The following FRMD6 variants were observed in gnomAD, a reference collection of about 807,000 sequenced individuals.
FRMD6 encodes the protein FERM domain containing 6, also known as FERM domain-containing protein 6.
A neutral mutation model predicts 73.2 loss-of-function variants in FRMD6; 37 were observed. The ratio of observed to expected loss-of-function variants is 0.51; its 90% CI spans 0.39 to 0.66. The LOEUF is 0.66. Ranked by LOEUF, FRMD6 falls within the 30% of genes least tolerant of loss-of-function variation. The probability of loss-of-function intolerance (pLI) is 0.00; values close to 1 mark genes in which losing one functional copy is unlikely to be tolerated. For synonymous variants in FRMD6, 273 were observed against 282.2 expected (o/e 0.97, Z 0.33); for missense variants, 714 against 780.5 (o/e 0.91, Z 1.02).
chr14:51,633,137 A>ATT (rs145482860), intron 2 of FRMD6, among the ~76,000 whole-genome samples: 1 of 151,886 alleles, frequency 6.6e-6, no homozygotes, highest in Non-Finnish European at 1.5e-5. Context: ...ATATGTGAGG[A>ATT]TTTTTTTTAA....
chr14:51,478,524 A>G, the FRMD6 span, among the ~76,000 whole-genome samples: 2 of 152,218 alleles, frequency 1.3e-5, no homozygotes, highest in African/African-American at 2.4e-5. Flanking sequence ...TTGAAATAAA[A>G]TGTTTCTCTA....
chr14:51,412,380 T>G, the FRMD6 span, among the ~76,000 whole-genome samples: 575 of 152,314 alleles, frequency 3.8e-3, 4 homozygotes, highest in African/African-American at 0.013. Context: ...ACAAAGTTAA[T>G]GATGCGCCCA....
At chr14:51,658,578 T>G (rs988978353) in intron 1 of FRMD6, among the ~76,000 whole-genome samples, 1 of 152,200 alleles carries the variant, frequency 6.6e-6, no homozygotes, top group Non-Finnish European at 1.5e-5. Flanking sequence ...TTTTTGTGTC[T>G]TCCTTCCACC....
intron 1 of FRMD6, among the ~76,000 whole-genome samples, chr14:51,539,975 C>T (rs1040807743): frequency 4.6e-5 from 7 of 152,234 alleles, no homozygotes; most frequent in African/African-American, 1.7e-4. Flanking sequence ...TCTTGGAACA[C>T]TCCAACAAAA....
the FRMD6 span, among the ~76,000 whole-genome samples, chr14:51,473,977 G>A: frequency 7.6e-3 from 1,151 of 152,200 alleles, 10 homozygotes; most frequent in Middle Eastern, 0.017. Context: ...TATTGAGCAC[G>A]TATCACATTA....
chr14:51,564,596 T>A (rs898912455), intron 1 of FRMD6, among the ~76,000 whole-genome samples: 26 of 152,056 alleles, frequency 1.7e-4, no homozygotes, highest in Non-Finnish European at 3.2e-4. Flanking sequence ...CTCAGAATAA[T>A]AGGTGGTTTA....
intron 1 of FRMD6, among the ~76,000 whole-genome samples, chr14:51,553,129 C>T (rs1046766541): frequency 2.0e-5 from 3 of 152,214 alleles, no homozygotes; most frequent in African/African-American, 7.2e-5. Flanking sequence ...ATTATTAAAA[C>T]CCTCACATTT....
At chr14:51,468,331 G>A in the FRMD6 span, among the ~76,000 whole-genome samples, 1 of 147,852 alleles carries the variant, frequency 6.8e-6, no homozygotes, top group Admixed American at 6.7e-5. Context: ...GAGGGGGAGG[G>A]GGAGGGAGCA....
chr14:51,410,704 T>G, the FRMD6 span, among the ~76,000 whole-genome samples: 1 of 152,202 alleles, frequency 6.6e-6, no homozygotes, highest in Non-Finnish European at 1.5e-5. Context: ...GTCAAACACG[T>G]TCATACATTA....
the FRMD6 span, among the ~76,000 whole-genome samples, chr14:51,473,231 G>T: frequency 6.6e-6 from 1 of 152,222 alleles, no homozygotes; most frequent in Non-Finnish European, 1.5e-5. Context: ...TAAATTATAT[G>T]TGTATGTGGT....
At chr14:51,721,473 A>G (rs989811031) in intron 11 of FRMD6, among the ~76,000 whole-genome samples, 1 of 152,016 alleles carries the variant, frequency 6.6e-6, no homozygotes, top group Non-Finnish European at 1.5e-5. Context: ...GGATGGGCGT[A>G]GTGGCGCGCG....
rs887650370 is a variant in FRMD6 at position 51,617,519 on chromosome 14, CAT to C, written c.-147+47114_-147+47115del. Among the ~76,000 whole-genome samples, 3 of 152,114 alleles carry C rather than the reference CAT, an allele frequency of 2.0e-5. No homozygotes were observed. In the East Asian group the frequency reaches 5.8e-4, roughly 29 times the overall value. On this transcript the variant is annotated intron_variant, in intron 2 of 14. Transcript: ENST00000356218. ...ACATGAATGTGGGCCTATTATGTAA[CAT>C]ATATTTAATATGATATATTGCTGCA...
the FRMD6 span, chr14:51,436,517 A>G: frequency 1.5e-6 from 1 of 651,756 alleles, no homozygotes; most frequent in Non-Finnish European, 2.6e-6. Flanking sequence ...TGAATGAGAG[A>G]GGTGATCCAT....
At chr14:51,507,681 A>G (rs764456000) in intron 1 of FRMD6, among the ~76,000 whole-genome samples, 17 of 152,078 alleles carry the variant, frequency 1.1e-4, no homozygotes, top group Non-Finnish European at 1.8e-4. Context: ...GTTTTAGTTC[A>G]TAGAGTGCCT....
chr14:51,621,229 A>G (rs904396490), intron 2 of FRMD6, among the ~76,000 whole-genome samples: 2 of 151,996 alleles, frequency 1.3e-5, no homozygotes, highest in Admixed American at 6.6e-5. Context: ...TTGATGTTAT[A>G]ACTCAAAGGC....
chr14:51,573,583 G>A (rs1257313934), intron 2 of FRMD6, among the ~76,000 whole-genome samples: 2 of 152,164 alleles, frequency 1.3e-5, no homozygotes, highest in Non-Finnish European at 2.9e-5. Context: ...CCTACATTAG[G>A]CTGAAGCAGT....
intron 1 of FRMD6, among the ~76,000 whole-genome samples, chr14:51,668,825 AC>A (rs1893791504): frequency 6.7e-6 from 1 of 150,356 alleles, no homozygotes; most frequent in Non-Finnish European, 1.5e-5. Flanking sequence ...GCACCACCAC[AC>A]CCGGCTAATT....
chr14:51,636,416 T>G (rs1000906), intron 2 of FRMD6, among the ~76,000 whole-genome samples: 36,310 of 152,116 alleles, frequency 0.24, 4,745 homozygotes, highest in East Asian at 0.3. Context: ...ACTGCCTGAC[T>G]GTTGGTCCAT....
chr14:51,638,689 A>T (rs1262750675), intron 2 of FRMD6, among the ~76,000 whole-genome samples: 2 of 152,204 alleles, frequency 1.3e-5, no homozygotes, highest in Admixed American at 6.5e-5. Context: ...TGAGTTGCAG[A>T]TGGAATGTAG....
Sources: gnomAD v4.1 joint callset for allele counts (sites outside exome capture counted in the v4.1 genomes callset) on GRCh38, gnomAD v4.1.1 for gene constraint, MANE v1.5 for transcripts, NCBI Gene and HGNC (gene_info 2026-07-23, HGNC 2026-07-21) for gene names.